TMEFF1: variants seen among roughly 807,000 people sequenced by gnomAD.
TMEFF1 encodes the protein transmembrane protein with EGF like and two follistatin like domains 1.
TMEFF1 carries 20 observed loss-of-function variants against 47.5 expected under a neutral mutation model. That is an observed-to-expected ratio of 0.42 (90% CI 0.30 to 0.61). The LOEUF (loss-of-function observed/expected upper bound fraction) is 0.61, where lower values mean the gene tolerates loss of function less well. TMEFF1 is among the 20% of genes least tolerant of loss of function. TMEFF1 has a pLI of 0.19. For synonymous variants in TMEFF1, 162 were observed against 166.3 expected (o/e 0.97, Z 0.20); for missense variants, 411 against 471.1 (o/e 0.87, Z 1.18).
chr9:100,489,987 G>A (rs1447253491), intron 1 of TMEFF1, among the ~76,000 whole-genome samples: 2 of 151,978 alleles, frequency 1.3e-5, no homozygotes, highest in African/African-American at 4.8e-5. Context: ...CTGTCACCTT[G>A]CCTGGAGAGT....
At chr9:100,478,511 CGCCATGATGCCCAG>C (rs1837276582) in intron 1 of TMEFF1, among the ~76,000 whole-genome samples, 1 of 152,160 alleles carries the variant, frequency 6.6e-6, no homozygotes, top group African/African-American at 2.4e-5. Flanking sequence ...GACAGGGCTT[CGCCATGATGCCCAG>C]GCTGGAACAA....
intron 3 of TMEFF1, among the ~76,000 whole-genome samples, chr9:100,512,735 C>T (rs149314938): frequency 2.2e-3 from 341 of 152,280 alleles, no homozygotes; most frequent in African/African-American, 7.7e-3. Flanking sequence ...GTAAGTCCTT[C>T]GGATTGGATT....
intron 8 of TMEFF1, 88 bp downstream of exon 8, chr9:100,561,608 A>G: frequency 7.1e-7 from 1 of 1,402,172 alleles, no homozygotes; most frequent in Non-Finnish European, 9.3e-7. Context: ...TAGACTAAAT[A>G]TTACCAGAAA....
intron 1 of TMEFF1, 107 bp from the exon 2 acceptor site, chr9:100,498,658 C>T: frequency 1.1e-6 from 1 of 940,232 alleles, no homozygotes; most frequent in Non-Finnish European, 1.6e-6. Context: ...AATGGGGGGG[C>T]TCAATACATT....
At chr9:100,528,296 C>G (rs972333658) in intron 5 of TMEFF1, among the ~76,000 whole-genome samples, 4 of 150,412 alleles carry the variant, frequency 2.7e-5, no homozygotes, top group Non-Finnish European at 5.9e-5. Context: ...TTACTCTGAG[C>G]TACGGGAGGA....
chr9:100,482,082 C>T (rs1837348016), intron 1 of TMEFF1, among the ~76,000 whole-genome samples: 1 of 152,014 alleles, frequency 6.6e-6, no homozygotes, highest in Non-Finnish European at 1.5e-5. Context: ...GCCTAGCCTG[C>T]ACAGTTTTTT....
intron 6 of TMEFF1, 56 bp downstream of exon 6, chr9:100,547,948 CTTA>C: frequency 2.9e-6 from 4 of 1,379,926 alleles, no homozygotes; most frequent in Non-Finnish European, 3.8e-6. Context: ...TAAATGTAAT[CTTA>C]TTTGTACATT....
At chr9:100,500,844 A>G (rs1037860164) in intron 2 of TMEFF1, among the ~76,000 whole-genome samples, 17 of 152,088 alleles carry the variant, frequency 1.1e-4, no homozygotes, top group African/African-American at 4.1e-4. Context: ...TTTGAAGATT[A>G]TTGTTATTTT....
intron 5 of TMEFF1, among the ~76,000 whole-genome samples, chr9:100,545,577 C>G (rs187673770): frequency 6.6e-6 from 1 of 152,164 alleles, no homozygotes; most frequent in Non-Finnish European, 1.5e-5. Context: ...AGACATTTTC[C>G]CCATTGTTTT....
At chr9:100,527,991 C>G (rs369871563) in intron 5 of TMEFF1, among the ~76,000 whole-genome samples, 1 of 151,652 alleles carries the variant, frequency 6.6e-6, no homozygotes, top group African/African-American at 2.4e-5. Flanking sequence ...ACTGACACCT[C>G]ACACGGCAGG....
At chr9:100,496,613 C>T (rs896781408) in intron 1 of TMEFF1, among the ~76,000 whole-genome samples, 9 of 152,170 alleles carry the variant, frequency 5.9e-5, no homozygotes, top group African/African-American at 1.7e-4. Context: ...GTCCCTCATA[C>T]AAACATTCCT....
At chr9:100,489,018 A>G (rs953126888) in intron 1 of TMEFF1, among the ~76,000 whole-genome samples, 5 of 152,186 alleles carry the variant, frequency 3.3e-5, no homozygotes, top group African/African-American at 1.2e-4. Flanking sequence ...CCATCTAATT[A>G]TAGAACATTT....
chr9:100,476,301 GAC>G (rs971016063), intron 1 of TMEFF1, among the ~76,000 whole-genome samples: 4 of 152,058 alleles, frequency 2.6e-5, no homozygotes, highest in African/African-American at 7.2e-5. Context: ...ATACAGTCTG[GAC>G]ACACACATCT....
chr9:100,493,784 G>A (rs2118296664), intron 1 of TMEFF1, among the ~76,000 whole-genome samples: 1 of 152,204 alleles, frequency 6.6e-6, no homozygotes, highest in South Asian at 2.1e-4. Flanking sequence ...CTTGATGCCT[G>A]GTACTGTACA....
intron 2 of TMEFF1, among the ~76,000 whole-genome samples, chr9:100,500,163 C>T (rs1261045009): frequency 6.6e-6 from 1 of 152,096 alleles, no homozygotes; most frequent in East Asian, 1.9e-4. Flanking sequence ...AACTGTTTTC[C>T]CCCTGAACCT....
intron 5 of TMEFF1, among the ~76,000 whole-genome samples, chr9:100,542,210 A>C (rs1838646904): frequency 6.6e-6 from 1 of 151,796 alleles, no homozygotes; most frequent in Admixed American, 6.6e-5. Context: ...TCAGCTTATC[A>C]CAATCTAAAT....
intron 5 of TMEFF1, among the ~76,000 whole-genome samples, chr9:100,535,357 C>T (rs773567917): frequency 3.9e-5 from 6 of 152,168 alleles, no homozygotes; most frequent in Non-Finnish European, 7.3e-5. Flanking sequence ...TAATTCATAT[C>T]ATTTAAAAAT....
intron 7 of TMEFF1, among the ~76,000 whole-genome samples, chr9:100,559,700 G>A (rs930640954): frequency 3.9e-5 from 6 of 152,028 alleles, no homozygotes; most frequent in African/African-American, 1.2e-4. Flanking sequence ...TACCTATGTT[G>A]GGTAGTGCTG....
chr9:100,572,467 A>C, intron 8 of TMEFF1, 51 bp from the exon 9 acceptor site: 1 of 1,472,986 alleles, frequency 6.8e-7, no homozygotes, highest in Non-Finnish European at 9.0e-7. Flanking sequence ...AAAGCTTGGG[A>C]GTATCAAAAT....
Sources: allele counts gnomAD v4.1 joint callset (sites outside exome capture counted in the v4.1 genomes callset), GRCh38; gene constraint gnomAD v4.1.1; transcripts MANE v1.5; gene names NCBI Gene and HGNC (gene_info 2026-07-23, HGNC 2026-07-21).